NCK2: variants seen among roughly 807,000 people sequenced by gnomAD.
NCK2 encodes the protein NCK adaptor protein 2.
In NCK2, 16 loss-of-function variants were observed where a neutral mutation model predicts 33.9. That is an observed-to-expected ratio of 0.47 (90% CI 0.32 to 0.72). NCK2 has a LOEUF of 0.72. Among genes scored for constraint, NCK2 ranks in the 30% least tolerant of loss-of-function variants. The pLI is 0.03. For missense variants in NCK2, 418 were observed against 537.3 expected (o/e 0.78, Z 2.19); for synonymous variants, 273 against 239.9 (o/e 1.14, Z -1.27).
chr2:105,780,152 A>G lies in NCK2; in HGVS notation c.-201+35014A>G, dbSNP rs114686790. Reference sequence around the variant, plus strand: ...CCTTTGTTTTAAAATTTCTGGTTGCAAGATTAATCAAGAATAATAAATATT... The same window carrying G: ...CCTTTGTTTTAAAATTTCTGGTTGCGAGATTAATCAAGAATAATAAATATT... On this transcript the variant is annotated intron_variant, in intron 1 of 4. Transcript: ENST00000233154. 7.7e-3 allele frequency among the ~76,000 whole-genome samples: 1,167 copies of G among 152,306 alleles called. 20 individuals carry two copies. The highest frequency in any genetic ancestry group is 0.026 in the African/African-American group (1,080 of 41,550).
chr2:105,748,510 T>G (rs74576377), intron 1 of NCK2, among the ~76,000 whole-genome samples: 13,976 of 152,050 alleles, frequency 0.092, 738 homozygotes, highest in African/African-American at 0.15. Flanking sequence ...TCAGGCAATC[T>G]TCCCACCTCA....
At chr2:105,881,293 G>T (rs1678466205) in intron 3 of NCK2, 35 bp from the exon 4 acceptor site, 1 of 1,549,472 alleles carries the variant, frequency 6.5e-7, no homozygotes. Context: ...GTGCCCAAGT[G>T]CCCTGCGCCA....
chr2:105,826,930 T>C (rs1675976423), intron 2 of NCK2, among the ~76,000 whole-genome samples: 1 of 152,096 alleles, frequency 6.6e-6, no homozygotes, highest in African/African-American at 2.4e-5. Context: ...AAAGAACTTT[T>C]AAAAGTAGAG....
At chr2:105,841,162 A>C (rs1259915865) in intron 2 of NCK2, among the ~76,000 whole-genome samples, 1 of 152,242 alleles carries the variant, frequency 6.6e-6, no homozygotes, top group African/African-American at 2.4e-5. Context: ...TGTAAAATGT[A>C]GATTTACTGG....
At chr2:105,807,409 T>C (rs1675089267) in intron 1 of NCK2, among the ~76,000 whole-genome samples, 1 of 152,240 alleles carries the variant, frequency 6.6e-6, no homozygotes, top group Non-Finnish European at 1.5e-5. Flanking sequence ...ATACAAGTTG[T>C]TCTTTGTAGA....
intron 1 of NCK2, among the ~76,000 whole-genome samples, chr2:105,773,926 T>C (rs4851862): frequency 0.81 from 123,015 of 151,936 alleles, 50,093 homozygotes; most frequent in East Asian, 0.88. Context: ...CAAAACCCTC[T>C]GTTTATAAGA....
At chr2:105,852,113 G>A (rs1235378561) in intron 2 of NCK2, among the ~76,000 whole-genome samples, 1 of 152,078 alleles carries the variant, frequency 6.6e-6, no homozygotes. Flanking sequence ...TGGGCGGGTC[G>A]GGGAGGGGAG....
chr2:105,829,815 T>A (rs1225999696), intron 2 of NCK2, among the ~76,000 whole-genome samples: 2 of 152,124 alleles, frequency 1.3e-5, no homozygotes, highest in African/African-American at 4.8e-5. Context: ...GGGAGGGGAG[T>A]TCACTGCTTC....
chr2:105,753,400 A>G lies in NCK2; in HGVS notation c.-201+8262A>G, dbSNP rs1689515181. Among the ~76,000 whole-genome samples the G allele has an allele frequency of 2.0e-5, 3 of 152,242 alleles. No homozygotes were observed. The South Asian group carries it at 6.2e-4, about 31-fold the overall frequency. ...AGGCTGGTGGTCCTCCACCTGCCCA[A>G]GTCTCCAATTCTGCAGGAAACACCA... is the stretch of plus-strand genomic sequence containing the variant. On this transcript the variant is annotated intron_variant, in intron 1 of 4. Coordinates refer to ENST00000233154, the MANE Select transcript of NCK2 (RefSeq NM_003581.5).
intron 4 of NCK2, among the ~76,000 whole-genome samples, chr2:105,888,415 T>C (rs924565983): frequency 2.6e-5 from 4 of 152,048 alleles, no homozygotes; most frequent in African/African-American, 9.7e-5. Context: ...AGATGGAAAG[T>C]GTAGGAAATG....
At chr2:105,795,193 G>C (rs986990131) in intron 1 of NCK2, among the ~76,000 whole-genome samples, 4 of 152,090 alleles carry the variant, frequency 2.6e-5, no homozygotes, top group African/African-American at 9.7e-5. Context: ...GTTTATATTT[G>C]GGTTCACTCT....
At chr2:105,855,493 G>A (rs1677225443) in intron 3 of NCK2, 2 of 521,824 alleles carry the variant, frequency 3.8e-6, no homozygotes, top group South Asian at 4.8e-5. Flanking sequence ...TCTGGAGTTT[G>A]GGGTCCTGTG....
Position 105,807,008 on chromosome 2 carries a change from C to T in NCK2, c.-200-9422C>T, listed in dbSNP as rs550406739. Among the ~76,000 whole-genome samples the T allele has an allele frequency of 1.9e-3, 288 of 152,296 alleles. 1 individual carries two copies. The highest frequency in any genetic ancestry group is 6.6e-3 in the African/African-American group (276 of 41,552). ...TGCTGTAAGACATCCTATCCCACAC[C>T]CTCATGCTGAAGAGTCCTATTGTGA... On this transcript the variant is annotated intron_variant, in intron 1 of 4. Transcript: ENST00000233154.
At chr2:105,833,218 C>A (rs59912414) in intron 2 of NCK2, among the ~76,000 whole-genome samples, 29,502 of 151,920 alleles carry the variant, frequency 0.19, 3,515 homozygotes, top group East Asian at 0.32. Flanking sequence ...CCTCAATCTC[C>A]CGAGTAGCTG....
intron 1 of NCK2, among the ~76,000 whole-genome samples, chr2:105,787,771 A>G (rs1178901524): frequency 6.6e-6 from 1 of 152,192 alleles, no homozygotes; most frequent in Admixed American, 6.5e-5. Flanking sequence ...AACAAGGCCC[A>G]TCTTTTCTTG....
At chr2:105,772,559 C>T (rs1018307616) in intron 1 of NCK2, among the ~76,000 whole-genome samples, 2 of 152,090 alleles carry the variant, frequency 1.3e-5, no homozygotes, top group African/African-American at 2.4e-5. Flanking sequence ...CCGCATGTTA[C>T]TGATGCTGGG....
At chr2:105,880,152 A>G (rs543167674) in intron 3 of NCK2, among the ~76,000 whole-genome samples, 6 of 152,272 alleles carry the variant, frequency 3.9e-5, no homozygotes, top group Admixed American at 2.0e-4. Context: ...ATGTTTCTCA[A>G]TCTGATTCGA....
intron 1 of NCK2, among the ~76,000 whole-genome samples, chr2:105,811,982 A>T (rs1016215976): frequency 6.6e-6 from 1 of 152,046 alleles, no homozygotes; most frequent in African/African-American, 2.4e-5. Flanking sequence ...TCCTGCAAAC[A>T]CCTGCCTTGG....
chr2:105,851,355 C>T (rs1372424099), intron 2 of NCK2, among the ~76,000 whole-genome samples: 2 of 151,986 alleles, frequency 1.3e-5, no homozygotes, highest in Admixed American at 6.6e-5. Context: ...CATCCGCCTC[C>T]CGGGTTCAAG....
Sources: gnomAD v4.1 joint callset for allele counts (sites outside exome capture counted in the v4.1 genomes callset) on GRCh38, gnomAD v4.1.1 for gene constraint, MANE v1.5 for transcripts, NCBI Gene and HGNC (gene_info 2026-07-23, HGNC 2026-07-21) for gene names.